Variants in LMX1A observed in about 807,000 individuals in gnomAD.
LMX1A encodes LIM homeobox transcription factor 1 alpha.
Under a neutral mutation model 49.1 loss-of-function variants are expected in LMX1A, and 15 were observed. The observed-to-expected ratio is 0.31, with a 90% CI of 0.20 to 0.47. The LOEUF is 0.47. Ranked by LOEUF, LMX1A falls within the 20% of genes least tolerant of loss-of-function variation. The pLI, the probability that LMX1A is intolerant of heterozygous loss-of-function variation, is 1.00. For missense variants in LMX1A, 372 were observed against 475.8 expected, an observed-to-expected ratio of 0.78 and a Z score of 2.03; for synonymous variants, 167 against 185.7, an observed-to-expected ratio of 0.90 and a Z score of 0.82.
chr1:165,284,637 C>T (rs1654251380), intron 3 of LMX1A, among the ~76,000 whole-genome samples: 1 of 152,190 alleles, frequency 6.6e-6, no homozygotes, highest in Non-Finnish European at 1.5e-5. Flanking sequence ...AGAATATGCC[C>T]ACAGGGCCTT....
chr1:165,336,858 A>G (rs1557888797), intron 3 of LMX1A, among the ~76,000 whole-genome samples: 1 of 152,208 alleles, frequency 6.6e-6, no homozygotes, highest in Non-Finnish European at 1.5e-5. Context: ...GGGAGAACAA[A>G]CAATATATTT....
chr1:165,275,383 G>C (rs1019200614), intron 3 of LMX1A, among the ~76,000 whole-genome samples: 2 of 152,220 alleles, frequency 1.3e-5, no homozygotes, highest in East Asian at 1.9e-4. Flanking sequence ...GGCTTTGTTG[G>C]AGAGCCCACT....
At chr1:165,292,100 C>G (rs1297500148) in intron 3 of LMX1A, among the ~76,000 whole-genome samples, 1 of 149,378 alleles carries the variant, frequency 6.7e-6, no homozygotes, top group African/African-American at 2.5e-5. Context: ...ATGCTATATG[C>G]CTGCTCACCA....
intron 3 of LMX1A, among the ~76,000 whole-genome samples, chr1:165,320,628 C>T (rs1425612623): frequency 6.6e-6 from 1 of 152,186 alleles, no homozygotes; most frequent in African/African-American, 2.4e-5. Flanking sequence ...TCAGCAGAAA[C>T]TTCAGAGGAA....
chr1:165,208,497 G>C (rs1651194672), intron 6 of LMX1A, among the ~76,000 whole-genome samples: 1 of 152,194 alleles, frequency 6.6e-6, no homozygotes, highest in African/African-American at 2.4e-5. Flanking sequence ...TGGAACAAGA[G>C]GTTGTGATTT....
At chr1:165,299,369 G>T (rs1433459128) in intron 3 of LMX1A, among the ~76,000 whole-genome samples, 1 of 152,224 alleles carries the variant, frequency 6.6e-6, no homozygotes. Context: ...GGATCAGGAA[G>T]GCAGGGAACC....
intron 3 of LMX1A, among the ~76,000 whole-genome samples, chr1:165,313,471 C>CTTTTTTTTTTTT (rs34912339): frequency 1.7e-3 from 199 of 114,614 alleles, no homozygotes; most frequent in Middle Eastern, 5.4e-3. Flanking sequence ...CACCTTCTTC[C>CTTTTTTTTTTTT]TTTTTTTTTT....
chr1:165,308,722 C>T (rs1359436406), intron 3 of LMX1A, among the ~76,000 whole-genome samples: 1 of 152,162 alleles, frequency 6.6e-6, no homozygotes, highest in African/African-American at 2.4e-5. Flanking sequence ...CCTTGCATTA[C>T]ATTCCACAGC....
chr1:165,240,112 A>C (rs1300524683), intron 4 of LMX1A, among the ~76,000 whole-genome samples: 1 of 152,230 alleles, frequency 6.6e-6, no homozygotes, highest in Non-Finnish European at 1.5e-5. Context: ...TAGGGCAATC[A>C]GCAAGTCAGT....
At chr1:165,214,071 T>C (rs754647628) in intron 4 of LMX1A, among the ~76,000 whole-genome samples, 6 of 152,338 alleles carry the variant, frequency 3.9e-5, no homozygotes, top group Non-Finnish European at 8.8e-5. Context: ...CCGCATTTAC[T>C]AGTTGCGTGG....
intron 6 of LMX1A, among the ~76,000 whole-genome samples, chr1:165,208,700 G>T (rs568847413): frequency 6.6e-6 from 1 of 152,196 alleles, no homozygotes; most frequent in South Asian, 2.1e-4. Context: ...GTGCTGGAGT[G>T]CAGTGGCGCG....
At chr1:165,221,165 C>G (rs1651827891) in intron 4 of LMX1A, among the ~76,000 whole-genome samples, 1 of 152,056 alleles carries the variant, frequency 6.6e-6, no homozygotes, top group South Asian at 2.1e-4. Context: ...TGATTTGCCT[C>G]ACGGGTTGTT....
intron 3 of LMX1A, among the ~76,000 whole-genome samples, chr1:165,277,760 T>G (rs1429457366): frequency 6.6e-6 from 1 of 152,088 alleles, no homozygotes; most frequent in Non-Finnish European, 1.5e-5. Context: ...GCTGCTAAAA[T>G]AGCAGAGCAA....
Position 165,355,732 on chromosome 1 carries a change from G to A in LMX1A, c.-22-151C>T. 1.6e-6 allele frequency: 1 copy of A among 625,044 alleles called. No individual in the cohort carries two copies. The highest frequency in any genetic ancestry group is 2.8e-6 in the Non-Finnish European group (1 of 351,086). The allele number at this position is 625,044 out of a possible 1,614,324, so 38.7% of individuals were successfully genotyped here. On this transcript the variant is annotated intron_variant, in intron 1 of 8. Coordinates refer to ENST00000342310, the MANE Select transcript of LMX1A (RefSeq NM_177398.4). The surrounding 1 kb of genome is among the most constrained non-coding windows in gnomAD (Gnocchi z 4.7). ...GGGTCCAGCCAAGAGAATGTAGGGT[G>A]GGAGGAGAGATCAGTCACAGCGAAC...
At chr1:165,210,809 C>A (rs754060296) in intron 5 of LMX1A, 33 bp from the exon 6 acceptor site, 13 of 1,536,264 alleles carry the variant, frequency 8.5e-6, no homozygotes, top group Non-Finnish European at 1.2e-5. Flanking sequence ...TGTAGACACA[C>A]TGGCATCTCA....
chr1:165,307,665 C>T (rs1026219881), intron 3 of LMX1A, among the ~76,000 whole-genome samples: 2 of 152,200 alleles, frequency 1.3e-5, no homozygotes, highest in African/African-American at 4.8e-5. Flanking sequence ...TACAACAGAT[C>T]CATGTGAGTT....
Position 165,242,854 on chromosome 1 carries a change from C to T in LMX1A, c.496+6554G>A, listed in dbSNP as rs112129584. ...CTGAGGCAGGAGAATGGCGTGAACC[C>T]GGCAGGTGGAGCTTGCAGTGAGCCG... On this transcript the variant is annotated intron_variant, in intron 4 of 8. Transcript: ENST00000342310. Among the ~76,000 whole-genome samples, 35 of 148,362 alleles carry T rather than the reference C, an allele frequency of 2.4e-4. 1 individual carries two copies. Among genetic ancestry groups the T allele is most frequent in the African/African-American group, 8.0e-4 (32 of 40,036 alleles).
intron 3 of LMX1A, among the ~76,000 whole-genome samples, chr1:165,346,350 A>G (rs1214421925): frequency 6.6e-6 from 1 of 152,268 alleles, no homozygotes; most frequent in Non-Finnish European, 1.5e-5. Flanking sequence ...GGAAGAGATC[A>G]AACTCTTTCA....
At chr1:165,275,593 T>A (rs1653940553) in intron 3 of LMX1A, among the ~76,000 whole-genome samples, 1 of 152,194 alleles carries the variant, frequency 6.6e-6, no homozygotes, top group Admixed American at 6.5e-5. Flanking sequence ...TCATATCCAG[T>A]TCCTTGGCAA....
Sources: allele counts gnomAD v4.1 joint callset (sites outside exome capture counted in the v4.1 genomes callset), GRCh38; gene constraint gnomAD v4.1.1; non-coding constraint Gnocchi (gnomAD v3.1); transcripts MANE v1.5; gene names NCBI Gene and HGNC (gene_info 2026-07-23, HGNC 2026-07-21).